Variants in ERICH5 observed in about 807,000 individuals in gnomAD.
ERICH5 encodes the protein glutamate rich 5, also known as glutamate-rich protein 5.
A neutral mutation model predicts 28.0 loss-of-function variants in ERICH5; 24 were observed. That is an observed-to-expected ratio of 0.86 (90% CI 0.62 to 1.21). ERICH5 has a LOEUF of 1.21. Among genes scored for constraint, ERICH5 ranks in the 50% most tolerant of loss-of-function variants. ERICH5 has a pLI of 0.00. For synonymous variants in ERICH5, 163 were observed against 157.6 expected (o/e 1.03, Z -0.25); for missense variants, 421 against 441.2 (o/e 0.95, Z 0.41).
chr8:98,066,860 T>C (rs1465432542), intron 1 of ERICH5, among the ~76,000 whole-genome samples: 6 of 152,336 alleles, frequency 3.9e-5, no homozygotes, highest in East Asian at 3.9e-4. Flanking sequence ...GCAACTTCTT[T>C]AAATCCTATA....
At chr8:98,087,538 G>A (rs1431297374) in intron 1 of ERICH5, among the ~76,000 whole-genome samples, 2 of 152,084 alleles carry the variant, frequency 1.3e-5, no homozygotes, top group African/African-American at 2.4e-5. Flanking sequence ...ATCCCCTAGA[G>A]ACCCACTTTA....
At chr8:98,066,190 A>G (rs1279102690) in intron 1 of ERICH5, among the ~76,000 whole-genome samples, 1 of 152,154 alleles carries the variant, frequency 6.6e-6, no homozygotes, top group Admixed American at 6.5e-5. Context: ...CGATGTTTCG[A>G]TGTTTCGTGT....
At chr8:98,090,667 C>A (rs1419697207) in intron 2 of ERICH5, among the ~76,000 whole-genome samples, 1 of 151,378 alleles carries the variant, frequency 6.6e-6, no homozygotes, top group Non-Finnish European at 1.5e-5. Flanking sequence ...TGTTCTTCTG[C>A]AGTTTTAAAA....
intron 1 of ERICH5, among the ~76,000 whole-genome samples, chr8:98,073,460 G>GTA (rs1321366335): frequency 2.8e-4 from 4 of 14,370 alleles, no homozygotes; most frequent in African/African-American, 4.8e-4. Flanking sequence ...ATATATATAT[G>GTA]TATATATATA....
Position 98,064,608 on chromosome 8 carries a change from T to C in ERICH5, c.-62T>C. ...TCCGCGGCTACGGGTGCAGTTGCCT[T>C]CGGTTCCCGGTTCCGGGCCGACACC... On this transcript the variant is annotated 5_prime_UTR_variant, in exon 1 of 3. Coordinates refer to ENST00000318528, the MANE Select transcript of ERICH5 (RefSeq NM_173549.3). The C allele has an allele frequency of 3.5e-6, 5 of 1,412,802 alleles. No homozygotes were observed. The South Asian group carries it at 4.1e-5, about 12-fold the overall frequency. The allele number at this position is 1,412,802 out of a possible 1,614,324, so 87.5% of individuals were successfully genotyped here.
intron 1 of ERICH5, among the ~76,000 whole-genome samples, chr8:98,070,191 G>T (rs1381667635): frequency 6.6e-6 from 1 of 152,066 alleles, no homozygotes; most frequent in Non-Finnish European, 1.5e-5. Context: ...TCTGGTCCTA[G>T]TTCTGCAAGA....
intron 1 of ERICH5, among the ~76,000 whole-genome samples, chr8:98,069,758 A>C (rs1037258416): frequency 6.6e-6 from 1 of 152,206 alleles, no homozygotes; most frequent in Non-Finnish European, 1.5e-5. Flanking sequence ...GGGTGTACGC[A>C]CTGAAAGTTT....
At chr8:98,065,152 G>A (rs1165043037) in intron 1 of ERICH5, among the ~76,000 whole-genome samples, 1 of 152,234 alleles carries the variant, frequency 6.6e-6, no homozygotes, top group African/African-American at 2.4e-5. Context: ...GGGAGGCTGA[G>A]GCGGGACGAT....
intron 2 of ERICH5, among the ~76,000 whole-genome samples, 176 bp from the exon 3 acceptor site, chr8:98,093,045 T>A (rs545032016): frequency 6.6e-6 from 1 of 152,286 alleles, no homozygotes; most frequent in Non-Finnish European, 1.5e-5. Flanking sequence ...ATGTGTTGGA[T>A]TACAGGTGTT....
At chr8:98,093,114 C>A in intron 2 of ERICH5, 107 bp from the exon 3 acceptor site, 1 of 712,348 alleles carries the variant, frequency 1.4e-6, no homozygotes, top group Non-Finnish European at 2.4e-6. Flanking sequence ...AAACTTACTG[C>A]TTAGACCTGA....
chr8:98,075,501 C>T (rs2447516), intron 1 of ERICH5, among the ~76,000 whole-genome samples: 85,136 of 151,290 alleles, frequency 0.56, 24,378 homozygotes, highest in East Asian at 0.69. Context: ...TTAATGTGAT[C>T]TATTATGTTT....
intron 1 of ERICH5, among the ~76,000 whole-genome samples, chr8:98,073,448 ATATATATATATG>A (rs1814966473): frequency 1.4e-4 from 2 of 14,374 alleles, no homozygotes; most frequent in African/African-American, 8.9e-4. Flanking sequence ...ATATATATAT[ATATATATATATG>A]TATATATATA....
At position 98,089,441 on chromosome 8, in the gene ERICH5, T is replaced by C; in HGVS notation, c.424T>C (p.Ser142Pro). 2 of 1,613,972 alleles carry C rather than the reference T, an allele frequency of 1.2e-6. No homozygotes were observed. The highest frequency in any genetic ancestry group is 1.7e-6 in the Non-Finnish European group (2 of 1,179,988). ...KDAGAGTEAE[S>P]LKGNAEAQPL... The stretch of plus-strand genomic sequence containing the variant: ...TGCAGGAGCAGGGACAGAGGCCGAG[T>C]CTCTAAAAGGAAATGCTGAAGCTCA... The change falls in exon 2 of 3, where the codon TCT becomes CCT. Residue 142 changes from serine to proline, a missense_variant. Ser to Pro is a moderately conservative substitution (Grantham distance 74). Transcript: ENST00000318528.
At chr8:98,091,032 C>T (rs901491475) in intron 2 of ERICH5, among the ~76,000 whole-genome samples, 4 of 152,006 alleles carry the variant, frequency 2.6e-5, no homozygotes, top group East Asian at 1.9e-4. Context: ...CCACCTTCTG[C>T]GTTCAAGCGA....
chr8:98,070,678 A>AAAAAAAAAAAAT, intron 1 of ERICH5, among the ~76,000 whole-genome samples: 1 of 142,976 alleles, frequency 7.0e-6, no homozygotes, highest in African/African-American at 2.7e-5. Flanking sequence ...AAAAAAAAAA[A>AAAAAAAAAAAAT]AAAAGAAAAG....
At chr8:98,082,667 A>C (rs1312873435) in intron 1 of ERICH5, among the ~76,000 whole-genome samples, 1 of 151,894 alleles carries the variant, frequency 6.6e-6, no homozygotes, top group Non-Finnish European at 1.5e-5. Context: ...AAAAGAATGA[A>C]AATGGATCGG....
intron 1 of ERICH5, 84 bp downstream of exon 1, chr8:98,064,811 G>A: frequency 8.9e-7 from 1 of 1,124,400 alleles, no homozygotes; most frequent in Non-Finnish European, 1.2e-6. Flanking sequence ...GGTGTGTCCC[G>A]TGGCCACCCC....
At chr8:98,070,811 G>A (rs1043329156) in intron 1 of ERICH5, among the ~76,000 whole-genome samples, 1 of 151,956 alleles carries the variant, frequency 6.6e-6, no homozygotes, top group African/African-American at 2.4e-5. Context: ...GTATTACTCA[G>A]AAAAGCAGAG....
chr8:98,068,137 A>G (rs989721132), intron 1 of ERICH5, among the ~76,000 whole-genome samples: 2 of 152,118 alleles, frequency 1.3e-5, no homozygotes, highest in Admixed American at 1.3e-4. Context: ...GATTACAGGT[A>G]TGAGCCACTG....
Sources: allele counts gnomAD v4.1 joint callset (sites outside exome capture counted in the v4.1 genomes callset), GRCh38; gene constraint gnomAD v4.1.1; transcripts MANE v1.5; gene names NCBI Gene and HGNC (gene_info 2026-07-23, HGNC 2026-07-21).